TM9SF3: variants seen among roughly 807,000 people sequenced by gnomAD.
The protein encoded by TM9SF3 is transmembrane 9 superfamily member 3, also known as SM-11044-binding protein.
TM9SF3 carries 14 observed loss-of-function variants against 78.6 expected under a neutral mutation model. The ratio of observed to expected loss-of-function variants is 0.18; its 90% CI spans 0.12 to 0.28. The LOEUF (loss-of-function observed/expected upper bound fraction) is 0.28. TM9SF3 is among the 10% of genes least tolerant of loss of function. The pLI, the probability that TM9SF3 is intolerant of heterozygous loss-of-function variation, is 1.00. For missense variants in TM9SF3, 496 were observed against 721.9 expected, an observed-to-expected ratio of 0.69 and a Z score of 3.59; for synonymous variants, 231 against 241.7, an observed-to-expected ratio of 0.96 and a Z score of 0.41.
chr10:96,520,448 C>T lies in TM9SF3; in HGVS notation c.*1815G>A, dbSNP rs1257986660. The T allele has an allele frequency of 1.3e-5, 2 of 154,464 alleles. No individual in the cohort carries two copies. Among genetic ancestry groups the T allele is most frequent in the Non-Finnish European group, 2.9e-5 (2 of 69,724 alleles). The allele number at this position is 154,464 out of a possible 1,614,324, so 9.6% of individuals were successfully genotyped here. ...TCACAATATAGGATGTAGAGTCCAT[C>T]AATAGATAGGTACATATTTTGTAAT... On this transcript the variant is annotated 3_prime_UTR_variant, in exon 15 of 15. Coordinates refer to ENST00000371142, the MANE Select transcript of TM9SF3 (RefSeq NM_020123.4).
At chr10:96,539,865 A>G (rs1163569778) in intron 9 of TM9SF3, among the ~76,000 whole-genome samples, 1 of 152,210 alleles carries the variant, frequency 6.6e-6, no homozygotes, top group African/African-American at 2.4e-5. Context: ...CAGCACAGCA[A>G]CAAAGAAAAC....
At chr10:96,523,255 T>G (rs1847799810) in intron 14 of TM9SF3, among the ~76,000 whole-genome samples, 1 of 151,862 alleles carries the variant, frequency 6.6e-6, no homozygotes, top group African/African-American at 2.4e-5. Context: ...AGCCCAATAT[T>G]ATTGAAAGCT....
At chr10:96,533,250 T>A in intron 9 of TM9SF3, 60 bp from the exon 10 acceptor site, 1 of 1,529,718 alleles carries the variant, frequency 6.5e-7, no homozygotes, top group South Asian at 1.2e-5. Flanking sequence ...TATAAACAAA[T>A]AAAAGAGACA....
At chr10:96,534,767 G>A (rs574380127) in intron 9 of TM9SF3, among the ~76,000 whole-genome samples, 1 of 152,228 alleles carries the variant, frequency 6.6e-6, no homozygotes, top group African/African-American at 2.4e-5. Context: ...ACTTTCAACT[G>A]TAATAAGATA....
At chr10:96,580,668 T>C (rs565783251) in intron 1 of TM9SF3, among the ~76,000 whole-genome samples, 2 of 152,278 alleles carry the variant, frequency 1.3e-5, no homozygotes, top group Admixed American at 6.5e-5. Context: ...ATCCTCCTTT[T>C]TCAAATCCTC....
At chr10:96,537,791 T>C (rs1211938450) in intron 9 of TM9SF3, among the ~76,000 whole-genome samples, 1 of 152,058 alleles carries the variant, frequency 6.6e-6, no homozygotes, top group Non-Finnish European at 1.5e-5. Flanking sequence ...AAAAATATCA[T>C]TCACCAACAG....
intron 2 of TM9SF3, among the ~76,000 whole-genome samples, chr10:96,570,626 A>C (rs963659431): frequency 6.6e-6 from 1 of 152,244 alleles, no homozygotes; most frequent in African/African-American, 2.4e-5. Flanking sequence ...TCCACTTACA[A>C]ACAAGGCAGA....
chr10:96,522,420 G>T, intron 14 of TM9SF3, 90 bp from the exon 15 acceptor site: 1 of 1,039,538 alleles, frequency 9.6e-7, no homozygotes, highest in Non-Finnish European at 1.4e-6. Flanking sequence ...GCTCTGGAAA[G>T]TTATTCTTTT....
At chr10:96,554,845 T>C (rs756287767) in intron 5 of TM9SF3, among the ~76,000 whole-genome samples, 1 of 152,232 alleles carries the variant, frequency 6.6e-6, no homozygotes, top group Non-Finnish European at 1.5e-5. Context: ...TAACTTCTGC[T>C]AATGGTACTA....
At chr10:96,531,454 C>CAT (rs1187742774) in intron 10 of TM9SF3, among the ~76,000 whole-genome samples, 1 of 152,100 alleles carries the variant, frequency 6.6e-6, no homozygotes, top group Non-Finnish European at 1.5e-5. Context: ...CTAGGTATTT[C>CAT]CAGTGCCTAG....
Position 96,561,834 on chromosome 10 carries a change from C to T in TM9SF3, c.582+144G>A, listed in dbSNP as rs554549777. The T allele has an allele frequency of 4.7e-4, 330 of 708,204 alleles. 9 individuals carry two copies. The South Asian group carries it at 6.3e-3, about 13-fold the overall frequency. 43.9% of individuals were successfully genotyped at this position (708,204 alleles called of 1,614,324 possible). A position where few individuals can be genotyped will look rare whatever the true frequency, so the allele number is the denominator to read the frequency against. ...TCTTTGCTTTCAGGAGGCTTACTTACGTACACTGAGAAAATATAGTTTTAA... is the reference window on the plus strand; with the variant it reads ...TCTTTGCTTTCAGGAGGCTTACTTATGTACACTGAGAAAATATAGTTTTAA... On this transcript the variant is annotated intron_variant, in intron 4 of 14. Transcript: ENST00000371142.
intron 14 of TM9SF3, 78 bp from the exon 15 acceptor site, chr10:96,522,408 A>C: frequency 9.1e-7 from 1 of 1,098,502 alleles, no homozygotes; most frequent in Non-Finnish European, 1.3e-6. Flanking sequence ...TAAATACTCT[A>C]TGCTCTGGAA....
chr10:96,540,062 T>G (rs924235469), intron 9 of TM9SF3, among the ~76,000 whole-genome samples: 1 of 152,244 alleles, frequency 6.6e-6, no homozygotes, highest in Non-Finnish European at 1.5e-5. Context: ...TTCTTAGATT[T>G]GGCACATCAT....
At chr10:96,525,163 G>T (rs1272956416) in intron 14 of TM9SF3, among the ~76,000 whole-genome samples, 1 of 151,826 alleles carries the variant, frequency 6.6e-6, no homozygotes, top group East Asian at 1.9e-4. Context: ...TGATAATCAA[G>T]AAAAATCTCA....
chr10:96,550,723 T>A (rs758456916), intron 7 of TM9SF3, among the ~76,000 whole-genome samples: 2 of 152,232 alleles, frequency 1.3e-5, no homozygotes, highest in Non-Finnish European at 2.9e-5. Flanking sequence ...TGTGTCAAGA[T>A]AGGATGCATA....
At chr10:96,535,277 G>A (rs1847944257) in intron 9 of TM9SF3, among the ~76,000 whole-genome samples, 2 of 152,102 alleles carry the variant, frequency 1.3e-5, no homozygotes, top group African/African-American at 4.8e-5. Context: ...TTATGTTCAA[G>A]TTCTGGATGA....
chr10:96,566,038 T>C (rs1024527700), intron 2 of TM9SF3, among the ~76,000 whole-genome samples: 3 of 152,208 alleles, frequency 2.0e-5, no homozygotes, highest in African/African-American at 7.2e-5. Flanking sequence ...CTTTCAAAGA[T>C]ACTGCTACTA....
At chr10:96,526,569 T>G (rs1037387186) in intron 14 of TM9SF3, among the ~76,000 whole-genome samples, 2 of 152,156 alleles carry the variant, frequency 1.3e-5, no homozygotes, top group South Asian at 2.1e-4. Flanking sequence ...CTCTTCCTTT[T>G]AATAGATGAT....
chr10:96,525,564 A>C (rs1156035), intron 14 of TM9SF3, among the ~76,000 whole-genome samples: 31,060 of 151,906 alleles, frequency 0.2, 3,533 homozygotes, highest in Admixed American at 0.3. Flanking sequence ...ACCAAGACTT[A>C]GCTTTTAATA....
Sources: gnomAD v4.1 joint callset for allele counts (sites outside exome capture counted in the v4.1 genomes callset) on GRCh38, gnomAD v4.1.1 for gene constraint, MANE v1.5 for transcripts, NCBI Gene and HGNC (gene_info 2026-07-23, HGNC 2026-07-21) for gene names.